FOXP2: variants seen among roughly 807,000 people sequenced by gnomAD.
FOXP2 encodes forkhead box protein P2.
In FOXP2, 12 loss-of-function variants were observed where a neutral mutation model predicts 115.8. That is an observed-to-expected ratio of 0.10 (90% CI 0.07 to 0.17). The LOEUF (loss-of-function observed/expected upper bound fraction) is 0.17, where lower values mean the gene tolerates loss of function less well. FOXP2 is among the 10% of genes least tolerant of loss of function. The pLI, the probability that FOXP2 is intolerant of heterozygous loss-of-function variation, is 1.00. For missense variants in FOXP2, 629 were observed against 843.5 expected, an observed-to-expected ratio of 0.75 and a Z score of 3.15; for synonymous variants, 328 against 297.7, an observed-to-expected ratio of 1.10 and a Z score of -1.05.
intron 1 of FOXP2, among the ~76,000 whole-genome samples, chr7:114,284,960 G>T (rs1434045068): frequency 6.6e-6 from 1 of 152,018 alleles, no homozygotes; most frequent in Non-Finnish European, 1.5e-5. Flanking sequence ...TTACACTTAC[G>T]AATGGGAGCT....
At chr7:114,354,393 A>G (rs2129186424) in intron 2 of FOXP2, among the ~76,000 whole-genome samples, 1 of 152,262 alleles carries the variant, frequency 6.6e-6, no homozygotes, top group African/African-American at 2.4e-5. Context: ...ATATGTATAT[A>G]TAAAACCTTC....
At chr7:114,229,491 T>A (rs1240426705) in intron 1 of FOXP2, among the ~76,000 whole-genome samples, 1 of 151,712 alleles carries the variant, frequency 6.6e-6, no homozygotes, top group East Asian at 1.9e-4. Flanking sequence ...ATAGATCATG[T>A]GTTAGGTCAT....
intron 1 of FOXP2, among the ~76,000 whole-genome samples, chr7:114,254,955 T>A (rs1241333846): frequency 6.6e-6 from 1 of 152,226 alleles, no homozygotes; most frequent in Non-Finnish European, 1.5e-5. Flanking sequence ...GATGGTGACG[T>A]ACAGATGAGG....
intron 1 of FOXP2, among the ~76,000 whole-genome samples, chr7:114,154,399 A>T (rs1257674919): frequency 6.6e-6 from 1 of 152,050 alleles, no homozygotes; most frequent in African/African-American, 2.4e-5. Flanking sequence ...TAAACAAGCT[A>T]ATAAACAATC....
chr7:114,332,472 A>G (rs1797737369), intron 2 of FOXP2, among the ~76,000 whole-genome samples: 1 of 152,148 alleles, frequency 6.6e-6, no homozygotes. Context: ...AAAACTATAT[A>G]ATATATACAT....
In FOXP2 at chr7:114,690,390, T is replaced by C. The variant is rs1808604068; in HGVS notation, c.*464T>C. On this transcript the variant is annotated 3_prime_UTR_variant, in exon 17 of 17. Coordinates refer to ENST00000350908, the MANE Select transcript of FOXP2 (RefSeq NM_014491.4). ...GAAACAATTGCTGGTCAAGTTCAAC[T>C]TGTTGCTATTGTTTTTAATTTGCAC... 1 of 453,980 alleles carries C rather than the reference T, an allele frequency of 2.2e-6. No homozygotes were observed. The highest frequency in any genetic ancestry group is 2.0e-5 in the African/African-American group (1 of 50,018). The allele number at this position is 453,980 out of a possible 1,614,324, so 28.1% of individuals were successfully genotyped here. A position where few individuals can be genotyped will look rare whatever the true frequency, so the allele number is the denominator to read the frequency against.
chr7:114,470,571 G>A (rs17137047), intron 2 of FOXP2, among the ~76,000 whole-genome samples: 3,852 of 152,164 alleles, frequency 0.025, 122 homozygotes, highest in African/African-American at 0.074. Flanking sequence ...TTTTTGGCAC[G>A]TAGTAGATGT....
At chr7:114,680,011 C>G (rs902062477) in intron 16 of FOXP2, among the ~76,000 whole-genome samples, 4 of 152,102 alleles carry the variant, frequency 2.6e-5, no homozygotes, top group African/African-American at 9.7e-5. Flanking sequence ...CCACTTCTAA[C>G]AAGAAGTAAC....
chr7:114,232,242 G>A (rs1374016094), intron 1 of FOXP2, among the ~76,000 whole-genome samples: 2 of 152,118 alleles, frequency 1.3e-5, no homozygotes, highest in Non-Finnish European at 2.9e-5. Context: ...TGGAGAAATT[G>A]GAACACTTAG....
intron 1 of FOXP2, among the ~76,000 whole-genome samples, chr7:114,174,829 G>GTAGAATAAAGA (rs1280810843): frequency 6.6e-6 from 1 of 152,032 alleles, no homozygotes; most frequent in African/African-American, 2.4e-5. Context: ...CTTTATCTTT[G>GTAGAATAAAGA]TAGAATAGTA....
rs183615472 is a variant in FOXP2, at chr7:114,323,096, A to T, written c.-11+34987A>T. Among the ~76,000 whole-genome samples the T allele has an allele frequency of 3.9e-5, 6 of 152,272 alleles. No homozygotes were observed. The East Asian group carries it at 9.6e-4, about 24-fold the overall frequency. On this transcript the variant is annotated intron_variant, in intron 2 of 17. Transcript: ENST00000634411. ...ATAGGGTATTTGTATATATCAAGGC[A>T]TGTCTATGTATGTGATTTTTTGACA...
intron 2 of FOXP2, among the ~76,000 whole-genome samples, chr7:114,472,784 T>C (rs1396542640): frequency 2.0e-5 from 3 of 152,200 alleles, no homozygotes; most frequent in East Asian, 3.8e-4. Flanking sequence ...TAAGCTCAAA[T>C]GTTCACTCTT....
intron 2 of FOXP2, among the ~76,000 whole-genome samples, chr7:114,491,562 T>A (rs1279064240): frequency 1.3e-5 from 2 of 152,146 alleles, no homozygotes; most frequent in Non-Finnish European, 2.9e-5. Flanking sequence ...TTTGGTGTTT[T>A]AGACATGAAG....
In FOXP2 at chr7:114,664,867, G is replaced by A. The variant is rs554089571; in HGVS notation, c.2003+431G>A. 46 of 197,340 alleles carry A rather than the reference G, an allele frequency of 2.3e-4. No individual in the cohort carries two copies. In the South Asian group the frequency reaches 2.7e-3, roughly 11 times the overall value. The allele number at this position is 197,340 out of a possible 1,614,324, so 12.2% of individuals were successfully genotyped here. A position where few individuals can be genotyped will look rare whatever the true frequency, so the allele number is the denominator to read the frequency against. Reference sequence around the variant, plus strand: ...AAGATATTGCCCGTTTTTATAAACCGTAAAATGCAAAGTTTAACTGTTACC... The same window carrying A: ...AAGATATTGCCCGTTTTTATAAACCATAAAATGCAAAGTTTAACTGTTACC... On this transcript the variant is annotated intron_variant, in intron 16 of 16. Coordinates refer to ENST00000350908, the MANE Select transcript of FOXP2 (RefSeq NM_014491.4).
At chr7:114,624,576 G>A (rs550042875) in intron 3 of FOXP2, among the ~76,000 whole-genome samples, 10 of 151,840 alleles carry the variant, frequency 6.6e-5, no homozygotes, top group African/African-American at 2.4e-4. Flanking sequence ...ATTCAGAAAT[G>A]CTCCAACTGA....
At chr7:114,619,247 G>C (rs1307068972) in intron 3 of FOXP2, among the ~76,000 whole-genome samples, 3 of 152,084 alleles carry the variant, frequency 2.0e-5, no homozygotes, top group Non-Finnish European at 4.4e-5. Context: ...TTTGTGAAAA[G>C]AAACTGTAAA....
At chr7:114,680,732 T>A (rs1433014549) in intron 16 of FOXP2, among the ~76,000 whole-genome samples, 1 of 145,718 alleles carries the variant, frequency 6.9e-6, no homozygotes, top group African/African-American at 2.6e-5. Flanking sequence ...GCAACAAGAG[T>A]GAGACTCCAT....
At chr7:114,494,561 T>A (rs773300098) in intron 2 of FOXP2, among the ~76,000 whole-genome samples, 11 of 152,158 alleles carry the variant, frequency 7.2e-5, no homozygotes, top group Admixed American at 2.0e-4. Flanking sequence ...TAAAGTAATC[T>A]GGACCAAGTT....
upstream of FOXP2, among the ~76,000 whole-genome samples, chr7:114,162,030 G>A (rs559180939): frequency 6.6e-6 from 1 of 152,208 alleles, no homozygotes; most frequent in African/African-American, 2.4e-5. Flanking sequence ...TGATCTGCCT[G>A]CTTTGGCCTC....
Sources: gnomAD v4.1 joint callset for allele counts (sites outside exome capture counted in the v4.1 genomes callset) on GRCh38, gnomAD v4.1.1 for gene constraint, MANE v1.5 for transcripts, NCBI Gene and HGNC (gene_info 2026-07-23, HGNC 2026-07-21) for gene names.